Variants in DNAJC10 observed in about 807,000 individuals in gnomAD.
DNAJC10 encodes the protein endoplasmic reticulum disulfide reductase DNAJC10.
In DNAJC10, 101 loss-of-function variants were observed where a neutral mutation model predicts 115.0. The ratio of observed to expected loss-of-function variants is 0.88; its 90% CI spans 0.75 to 1.04. The LOEUF (loss-of-function observed/expected upper bound fraction) is 1.04. Ranked by LOEUF, DNAJC10 falls within the 50% of genes least tolerant of loss-of-function variation. DNAJC10 has a pLI of 0.00. For missense variants in DNAJC10, 981 were observed against 928.8 expected (o/e 1.06, Z -0.73); for synonymous variants, 307 against 301.5 (o/e 1.02, Z -0.19).
chr2:182,729,190 C>G, intron 7 of DNAJC10, 196 bp downstream of exon 7: 1 of 526,256 alleles, frequency 1.9e-6, no homozygotes, highest in Non-Finnish European at 3.3e-6. Context: ...ACTCTGTTGC[C>G]CAGGCTGGAG....
intron 5 of DNAJC10, among the ~76,000 whole-genome samples, chr2:182,725,979 C>T (rs1693273413): frequency 6.6e-6 from 1 of 152,146 alleles, no homozygotes; most frequent in African/African-American, 2.4e-5. Flanking sequence ...TTTCATAAGG[C>T]TCTACCTGCC....
At chr2:182,750,926 G>A (rs1694000028) in intron 14 of DNAJC10, among the ~76,000 whole-genome samples, 1 of 152,064 alleles carries the variant, frequency 6.6e-6, no homozygotes, top group Non-Finnish European at 1.5e-5. Context: ...TGTTTGACGT[G>A]TTTACGTGAT....
intron 5 of DNAJC10, among the ~76,000 whole-genome samples, chr2:182,727,014 C>G (rs115527979): frequency 0.013 from 1,941 of 151,840 alleles, 47 homozygotes; most frequent in African/African-American, 0.045. Context: ...AGCCACTGCG[C>G]CCAGCCTATT....
rs568507769 is a variant in DNAJC10 at position 182,746,189 on chromosome 2, A to G, written c.1306+2477A>G. ...CTTTGCTATTGTGAATAATGCCGCA[A>G]TAAACATACGTGTGCATGTGTCTTT... On this transcript the variant is annotated intron_variant, in intron 14 of 23. Coordinates refer to ENST00000264065, the MANE Select transcript of DNAJC10 (RefSeq NM_018981.4). 1.6e-4 allele frequency among the ~76,000 whole-genome samples: 25 copies of G among 152,336 alleles called. No individual in the cohort carries two copies. The South Asian group carries it at 3.3e-3, about 20-fold the overall frequency.
At chr2:182,766,326 T>C (rs1400950692) in intron 22 of DNAJC10, among the ~76,000 whole-genome samples, 1 of 152,118 alleles carries the variant, frequency 6.6e-6, no homozygotes, top group Non-Finnish European at 1.5e-5. Flanking sequence ...TAGCTTAGAA[T>C]GAGAGCGAAT....
intron 14 of DNAJC10, among the ~76,000 whole-genome samples, chr2:182,746,171 A>G (rs1693860744): frequency 6.6e-6 from 1 of 152,110 alleles, no homozygotes; most frequent in Non-Finnish European, 1.5e-5. Flanking sequence ...AGTCTTTGCT[A>G]TTGTGAATAA....
At chr2:182,766,905 G>A (rs370705382) in intron 22 of DNAJC10, among the ~76,000 whole-genome samples, 1 of 152,062 alleles carries the variant, frequency 6.6e-6, no homozygotes, top group Non-Finnish European at 1.5e-5. Context: ...TCCCTTTAAG[G>A]TTGGAGGAAA....
chr2:182,740,346 T>C lies in DNAJC10; in HGVS notation c.1035T>C (p.His345=). The C allele has an allele frequency of 1.3e-6, 2 of 1,562,704 alleles. No homozygotes were observed. Among genetic ancestry groups the C allele is most frequent in the South Asian group, 2.5e-5 (2 of 79,686 alleles). ...AAGAAATATATTTGGAAGTAATACA[T>C]AATCTTCCAGATTTTGAACTACTTT... ...DAKEIYLEVI[H]NLPDFELLSA... is the part of the protein sequence containing the mutation. Residue 345 remains histidine, a synonymous_variant, in exon 12 of 24, where the codon CAT becomes CAC. Transcript: ENST00000264065.
intron 10 of DNAJC10, among the ~76,000 whole-genome samples, chr2:182,735,938 C>G (rs1408912505): frequency 6.6e-6 from 1 of 152,104 alleles, no homozygotes; most frequent in African/African-American, 2.4e-5. Flanking sequence ...TATTGGACAG[C>G]TCACTTTCTA....
chr2:182,770,119 G>T (rs1221425634), intron 22 of DNAJC10, among the ~76,000 whole-genome samples: 1 of 152,120 alleles, frequency 6.6e-6, no homozygotes, highest in African/African-American at 2.4e-5. Flanking sequence ...AAGATCAGAT[G>T]GTTGTAGATG....
At chr2:182,766,149 G>A (rs372502778) in intron 22 of DNAJC10, among the ~76,000 whole-genome samples, 1 of 152,186 alleles carries the variant, frequency 6.6e-6, no homozygotes, top group East Asian at 1.9e-4. Flanking sequence ...TAATAATCAT[G>A]CGAGCTTGAG....
In DNAJC10 at chr2:182,777,146, G is replaced by GA. The variant is rs776254392; in HGVS notation, c.*16dup. On this transcript the variant is annotated 3_prime_UTR_variant, in exon 24 of 24. Coordinates refer to ENST00000264065, the MANE Select transcript of DNAJC10 (RefSeq NM_018981.4). ...GATGAACTTTGATAATGTTGAAGAT[G>GA]AAGAAAAAGTTTAAAAGAAATTCTG... 31 of 1,393,624 alleles carry GA rather than the reference G, an allele frequency of 2.2e-5. No individual in the cohort carries two copies. Among genetic ancestry groups the GA allele is most frequent in the Non-Finnish European group, 2.9e-5 (30 of 1,033,498 alleles). 86.3% of individuals were successfully genotyped at this position (1,393,624 alleles called of 1,614,324 possible).
At chr2:182,732,617 C>A in intron 10 of DNAJC10, 75 bp downstream of exon 10, 2 of 1,425,500 alleles carry the variant, frequency 1.4e-6, no homozygotes, top group Non-Finnish European at 2.0e-6. Context: ...GAAACATTTT[C>A]TTCCCTTATT....
intron 14 of DNAJC10, 53 bp from the exon 15 acceptor site, chr2:182,751,605 G>A (rs879075126): frequency 6.3e-7 from 1 of 1,579,554 alleles, no homozygotes; most frequent in Non-Finnish European, 8.6e-7. Context: ...AAATGTCTCT[G>A]TGCATACAAA....
chr2:182,743,483 C>T, intron 13 of DNAJC10, 115 bp from the exon 14 acceptor site: 2 of 691,534 alleles, frequency 2.9e-6, no homozygotes, highest in South Asian at 3.5e-5. Context: ...AGCCTATTAG[C>T]TTCTGTTTAA....
intron 5 of DNAJC10, among the ~76,000 whole-genome samples, chr2:182,726,281 C>T (rs1225533697): frequency 2.6e-5 from 4 of 152,082 alleles, no homozygotes; most frequent in African/African-American, 9.7e-5. Flanking sequence ...ATAATGATCT[C>T]ATTATAATAT....
intron 22 of DNAJC10, among the ~76,000 whole-genome samples, chr2:182,768,968 C>T (rs936800888): frequency 6.6e-6 from 1 of 152,100 alleles, no homozygotes; most frequent in Non-Finnish European, 1.5e-5. Flanking sequence ...AATGCTATCC[C>T]TCCCCCAGCC....
intron 21 of DNAJC10, among the ~76,000 whole-genome samples, chr2:182,759,717 T>C (rs913404941): frequency 1.3e-5 from 2 of 152,150 alleles, no homozygotes; most frequent in African/African-American, 4.8e-5. Flanking sequence ...TTATCATCTC[T>C]TGTCTAGACT....
chr2:182,717,470 G>T (rs1693024328), intron 2 of DNAJC10, among the ~76,000 whole-genome samples: 1 of 152,144 alleles, frequency 6.6e-6, no homozygotes, highest in Non-Finnish European at 1.5e-5. Context: ...TTCTGGTAGG[G>T]TTATATGAGA....
Sources: gnomAD v4.1 joint callset for allele counts (sites outside exome capture counted in the v4.1 genomes callset) on GRCh38, gnomAD v4.1.1 for gene constraint, MANE v1.5 for transcripts, NCBI Gene and HGNC (gene_info 2026-07-23, HGNC 2026-07-21) for gene names.